The following PRKACB variants were observed in gnomAD, a reference collection of about 807,000 sequenced individuals.
The protein encoded by PRKACB is cAMP-dependent protein kinase catalytic subunit beta.
Under a neutral mutation model 51.4 loss-of-function variants are expected in PRKACB, and 16 were observed. The observed-to-expected ratio is 0.31, with a 90% confidence interval of 0.21 to 0.47. The LOEUF is 0.47. PRKACB is among the 20% of genes least tolerant of loss of function. The probability of loss-of-function intolerance (pLI) is 1.00; values close to 1 mark genes in which losing one functional copy is unlikely to be tolerated. For synonymous variants in PRKACB, 147 were observed against 154.4 expected, an observed-to-expected ratio of 0.95 and a Z score of 0.35; for missense variants, 309 against 464.5, an observed-to-expected ratio of 0.67 and a Z score of 3.08.
chr1:84,079,178 T>G (rs1328236536), intron 1 of PRKACB, among the ~76,000 whole-genome samples: 1 of 152,200 alleles, frequency 6.6e-6, no homozygotes, highest in Non-Finnish European at 1.5e-5. Flanking sequence ...TGTGTGCATG[T>G]ATACACATGC....
At chr1:84,189,772 A>G (rs956210536) in intron 5 of PRKACB, among the ~76,000 whole-genome samples, 2 of 151,998 alleles carry the variant, frequency 1.3e-5, no homozygotes, top group African/African-American at 4.8e-5. Flanking sequence ...TGTCAAAGAA[A>G]CAGATTTTAT....
chr1:84,183,331 G>GA (rs1045022827), intron 3 of PRKACB, among the ~76,000 whole-genome samples: 1 of 151,880 alleles, frequency 6.6e-6, no homozygotes, highest in African/African-American at 2.4e-5. Flanking sequence ...CTATTAAATA[G>GA]AAAATCTAGA....
At chr1:84,178,433 T>C (rs1662083198) in intron 1 of PRKACB, among the ~76,000 whole-genome samples, 1 of 152,058 alleles carries the variant, frequency 6.6e-6, no homozygotes, top group Admixed American at 6.6e-5. Flanking sequence ...AATTTAAAAC[T>C]TCAAACCATA....
chr1:84,099,350 A>G (rs1001037312), intron 1 of PRKACB, among the ~76,000 whole-genome samples: 1 of 143,822 alleles, frequency 7.0e-6, no homozygotes, highest in Admixed American at 7.0e-5. Flanking sequence ...AATGTTGTAT[A>G]GTCGAAGACA....
chr1:84,153,006 T>C (rs989111033), intron 1 of PRKACB, among the ~76,000 whole-genome samples: 17 of 152,144 alleles, frequency 1.1e-4, no homozygotes, highest in Non-Finnish European at 2.9e-5. Flanking sequence ...GTGCAATTCT[T>C]CCTTTCGTCT....
chr1:84,211,168 A>G (rs1414893903), intron 8 of PRKACB, among the ~76,000 whole-genome samples: 2 of 151,674 alleles, frequency 1.3e-5, no homozygotes, highest in Admixed American at 1.3e-4. Context: ...CACGTTCAAG[A>G]CCATCACTTT....
rs542122746 is a variant in PRKACB, at chr1:84,178,667, A to AT, written c.188-504dup. ...CCTTTATGTGCTAGTCTTTGCTTTT[A>AT]TTTTTTCCCTTTGCCATTAGTAAAG... On this transcript the variant is annotated intron_variant, in intron 1 of 9. Transcript: ENST00000370685. Among the ~76,000 whole-genome samples the AT allele has an allele frequency of 4.0e-5, 6 of 151,862 alleles. No individual in the cohort carries two copies. The South Asian group carries it at 8.3e-4, about 21-fold the overall frequency.
intron 2 of PRKACB, among the ~76,000 whole-genome samples, chr1:84,179,644 G>A (rs1403420966): frequency 1.3e-5 from 2 of 151,614 alleles, no homozygotes; most frequent in African/African-American, 4.8e-5. Context: ...TGATACACAG[G>A]CATCTTTTTT....
At chr1:84,194,632 C>T (rs568817474) in intron 5 of PRKACB, among the ~76,000 whole-genome samples, 5 of 152,208 alleles carry the variant, frequency 3.3e-5, no homozygotes, top group South Asian at 2.1e-4. Context: ...TTCAAGAATT[C>T]GATTATAGGT....
intron 5 of PRKACB, among the ~76,000 whole-genome samples, chr1:84,186,328 C>T (rs1413878100): frequency 6.6e-6 from 1 of 152,040 alleles, no homozygotes; most frequent in Non-Finnish European, 1.5e-5. Flanking sequence ...CAGTGATTCT[C>T]TTGCCTCAGC....
chr1:84,094,688 C>T (rs1021025386), intron 1 of PRKACB, among the ~76,000 whole-genome samples: 5 of 151,986 alleles, frequency 3.3e-5, no homozygotes, highest in African/African-American at 9.6e-5. Flanking sequence ...ATTCTGCTTT[C>T]GTTGCCTACA....
At chr1:84,166,703 T>C (rs1657590757) in intron 1 of PRKACB, among the ~76,000 whole-genome samples, 2 of 151,770 alleles carry the variant, frequency 1.3e-5, no homozygotes, top group South Asian at 4.1e-4. Flanking sequence ...AAGCAAATGC[T>C]AGGCCTTTTA....
Position 84,179,174 on chromosome 1 carries a change from C to T in PRKACB, c.188-3C>T. The T allele has an allele frequency of 6.3e-7, 1 of 1,585,074 alleles. No homozygotes were observed. Among genetic ancestry groups the T allele is most frequent in the Non-Finnish European group, 8.6e-7 (1 of 1,164,998 alleles). On this transcript the variant is annotated splice_polypyrimidine_tract_variant and splice_region_variant and intron_variant, in intron 1 of 9. Transcript: ENST00000370685. Reference sequence around the variant, plus strand: ...AAATTTGTTTTTATATGTATATTTTCAGTGAAAGAGTTTCTAGCCAAAGCC... The same window carrying T: ...AAATTTGTTTTTATATGTATATTTTTAGTGAAAGAGTTTCTAGCCAAAGCC...
At chr1:84,128,235 G>C (rs1440717420) in intron 1 of PRKACB, among the ~76,000 whole-genome samples, 1 of 150,704 alleles carries the variant, frequency 6.6e-6, no homozygotes, top group Non-Finnish European at 1.5e-5. Flanking sequence ...TTTCTTTAAT[G>C]TATGTACCTT....
intron 8 of PRKACB, among the ~76,000 whole-genome samples, chr1:84,210,154 C>T (rs1671917666): frequency 6.6e-6 from 1 of 152,060 alleles, no homozygotes; most frequent in South Asian, 2.1e-4. Context: ...ATCTGTACCT[C>T]ACTGGGGAAT....
At chr1:84,112,932 T>C (rs897528874) in intron 1 of PRKACB, among the ~76,000 whole-genome samples, 66 of 152,194 alleles carry the variant, frequency 4.3e-4, no homozygotes, top group African/African-American at 1.6e-3. Flanking sequence ...CTAAGGAGGT[T>C]AGTAGGAAAT....
At chr1:84,183,292 G>A (rs138350430) in intron 3 of PRKACB, among the ~76,000 whole-genome samples, 24 of 151,988 alleles carry the variant, frequency 1.6e-4, no homozygotes, top group Middle Eastern at 3.4e-3. Flanking sequence ...CACAGTCTTC[G>A]TGAAGTCAAG....
intron 9 of PRKACB, among the ~76,000 whole-genome samples, chr1:84,217,563 AG>A (rs370250216): frequency 1.3e-5 from 1 of 74,760 alleles, no homozygotes; most frequent in South Asian, 4.8e-4. Flanking sequence ...AGGAGTCCAC[AG>A]TGGGAAGATC....
intron 8 of PRKACB, among the ~76,000 whole-genome samples, chr1:84,208,389 G>A (rs1259967928): frequency 6.6e-6 from 1 of 152,182 alleles, no homozygotes; most frequent in East Asian, 1.9e-4. Flanking sequence ...AATGTAATTT[G>A]ACAGTAGTTT....
Sources: gnomAD v4.1 joint callset for allele counts (sites outside exome capture counted in the v4.1 genomes callset) on GRCh38, gnomAD v4.1.1 for gene constraint, MANE v1.5 for transcripts, NCBI Gene and HGNC (gene_info 2026-07-23, HGNC 2026-07-21) for gene names.